Variants in SLX4IP observed in about 807,000 individuals in gnomAD.
SLX4IP encodes the protein protein SLX4IP.
SLX4IP carries 34 observed loss-of-function variants against 32.9 expected under a neutral mutation model. That is an observed-to-expected ratio of 1.03 (90% CI 0.79 to 1.38). The LOEUF is 1.38. SLX4IP is among the 40% of genes most tolerant of loss of function. The probability of loss-of-function intolerance (pLI) is 0.00; values close to 1 mark genes in which losing one functional copy is unlikely to be tolerated. For missense variants in SLX4IP, 444 were observed against 479.0 expected, an observed-to-expected ratio of 0.93 and a Z score of 0.68; for synonymous variants, 172 against 171.7, an observed-to-expected ratio of 1.00 and a Z score of -0.01.
intron 4 of SLX4IP, among the ~76,000 whole-genome samples, chr20:10,575,711 T>C (rs779913955): frequency 2.0e-5 from 3 of 152,124 alleles, no homozygotes; most frequent in African/African-American, 7.2e-5. Flanking sequence ...TTCTCTTATC[T>C]AGGAAGTACT....
At chr20:10,532,442 G>A (rs1348232530) in intron 2 of SLX4IP, among the ~76,000 whole-genome samples, 1 of 152,078 alleles carries the variant, frequency 6.6e-6, no homozygotes, top group Non-Finnish European at 1.5e-5. Flanking sequence ...ACATGAAGGA[G>A]GGAAAGATCC....
At chr20:10,499,137 T>C (rs599495) in intron 2 of SLX4IP, among the ~76,000 whole-genome samples, 2 of 151,922 alleles carry the variant, frequency 1.3e-5, no homozygotes, top group African/African-American at 4.8e-5. Context: ...ATGACAAAAA[T>C]TATGGGTCTA....
chr20:10,589,722 T>C lies in SLX4IP; in HGVS notation c.239-8953T>C, dbSNP rs148513386. Among the ~76,000 whole-genome samples, 669 of 152,296 alleles carry C rather than the reference T, an allele frequency of 4.4e-3. 6 individuals are homozygous for C. The highest frequency in any genetic ancestry group is 0.015 in the African/African-American group (613 of 41,562). On this transcript the variant is annotated intron_variant, in intron 4 of 7. Transcript: ENST00000334534. ...ACTGAGGTTTTTAAAAATCACGTTA[T>C]AAAACAACATTCATCATATGATTTC...
chr20:10,458,140 T>C, intron 1 of SLX4IP, 36 bp from the exon 2 acceptor site: 1 of 1,382,874 alleles, frequency 7.2e-7, no homozygotes. Flanking sequence ...AAAGAAATTT[T>C]AATATACCTA....
intron 2 of SLX4IP, among the ~76,000 whole-genome samples, chr20:10,551,149 G>T (rs1386042395): frequency 6.6e-6 from 1 of 152,174 alleles, no homozygotes; most frequent in African/African-American, 2.4e-5. Flanking sequence ...CCACCTCCGA[G>T]GACTTGGAAA....
chr20:10,574,080 C>T (rs1204285931), intron 4 of SLX4IP, among the ~76,000 whole-genome samples: 3 of 152,210 alleles, frequency 2.0e-5, no homozygotes, highest in African/African-American at 7.2e-5. Flanking sequence ...GGAAACTTCT[C>T]TAACCACTTA....
At chr20:10,504,909 G>A (rs1370384042) in intron 2 of SLX4IP, among the ~76,000 whole-genome samples, 2 of 151,914 alleles carry the variant, frequency 1.3e-5, no homozygotes, top group African/African-American at 2.4e-5. Context: ...CTATAGCCAC[G>A]GAAGACTCTG....
At chr20:10,572,921 A>G (rs1042790061) in intron 4 of SLX4IP, among the ~76,000 whole-genome samples, 1 of 152,228 alleles carries the variant, frequency 6.6e-6, no homozygotes, top group African/African-American at 2.4e-5. Context: ...CATTACCACC[A>G]TGTTGGGGAA....
intron 2 of SLX4IP, among the ~76,000 whole-genome samples, chr20:10,464,459 T>C (rs1027988422): frequency 6.6e-6 from 1 of 152,146 alleles, no homozygotes; most frequent in African/African-American, 2.4e-5. Flanking sequence ...GGAGGGAGGA[T>C]CACTTGAGGC....
chr20:10,437,616 T>C (rs535543037), intron 1 of SLX4IP, among the ~76,000 whole-genome samples: 2 of 152,350 alleles, frequency 1.3e-5, no homozygotes, highest in East Asian at 3.9e-4. Context: ...CTCTGTGTCC[T>C]AAGAAAGTTG....
intron 6 of SLX4IP, among the ~76,000 whole-genome samples, chr20:10,617,727 C>A (rs953436771): frequency 7.0e-6 from 1 of 143,270 alleles, no homozygotes. Flanking sequence ...TGGCTTACTG[C>A]GGCCTTGACC....
In SLX4IP at chr20:10,556,285, A is replaced by G; in HGVS notation, c.82A>G (p.Lys28Glu). The G allele has an allele frequency of 6.2e-7, 1 of 1,613,666 alleles. No individual in the cohort carries two copies. The highest frequency in any genetic ancestry group is 8.5e-7 in the Non-Finnish European group (1 of 1,179,854). Reference protein sequence around the residue: ...DLHILPQGSNKDTSWFSEQKK... With the variant: ...DLHILPQGSNEDTSWFSEQKK... ...TCATATCTTGCCACAAGGTTCAAACAAAGATACAAGCTGGTTTTCTGAACA... is the reference window on the plus strand; with the variant it reads ...TCATATCTTGCCACAAGGTTCAAACGAAGATACAAGCTGGTTTTCTGAACA... The change falls in exon 3 of 8, where the codon AAA becomes GAA. Residue 28 changes from lysine (K) to glutamate (E), a missense_variant. By Grantham distance (56) the Lys-to-Glu change is moderately conservative. Coordinates refer to ENST00000334534, the MANE Select transcript of SLX4IP (RefSeq NM_001009608.3).
chr20:10,470,676 T>C (rs986417295), intron 2 of SLX4IP, among the ~76,000 whole-genome samples: 1 of 152,228 alleles, frequency 6.6e-6, no homozygotes, highest in East Asian at 1.9e-4. Flanking sequence ...CACAGTGGAA[T>C]AGCATTATAT....
intron 2 of SLX4IP, among the ~76,000 whole-genome samples, chr20:10,550,264 T>C (rs1462871571): frequency 6.6e-6 from 1 of 152,204 alleles, no homozygotes; most frequent in Non-Finnish European, 1.5e-5. Context: ...TTTGCCTCGT[T>C]ACTTGAAGCT....
At chr20:10,554,207 A>C (rs1028156485) in intron 2 of SLX4IP, among the ~76,000 whole-genome samples, 1 of 152,212 alleles carries the variant, frequency 6.6e-6, no homozygotes, top group Non-Finnish European at 1.5e-5. Flanking sequence ...AGATGGAACC[A>C]TACAGTATAT....
intron 2 of SLX4IP, among the ~76,000 whole-genome samples, chr20:10,490,433 G>A (rs1018648982): frequency 1.3e-5 from 2 of 152,090 alleles, no homozygotes. Context: ...TCTATAGTGT[G>A]AAATGTGGGT....
chr20:10,625,358 G>T lies in SLX4IP; in HGVS notation c.*1979G>T, dbSNP rs549929849. Reference sequence around the variant, plus strand: ...AGAAGCAGCTCTCTGGAAGAGTCTGGAATTAAAAAGACGGCTGTACTAGAA... The same window carrying T: ...AGAAGCAGCTCTCTGGAAGAGTCTGTAATTAAAAAGACGGCTGTACTAGAA... On this transcript the variant is annotated 3_prime_UTR_variant, in exon 8 of 8. Transcript: ENST00000334534. 4 of 152,204 alleles carry T rather than the reference G, an allele frequency of 2.6e-5. No individual in the cohort carries two copies. The highest frequency in any genetic ancestry group is 2.6e-4 in the Admixed American group (4 of 15,278). 9.4% of individuals were successfully genotyped at this position (152,204 alleles called of 1,614,324 possible).
intron 2 of SLX4IP, among the ~76,000 whole-genome samples, chr20:10,534,792 G>A (rs1023751024): frequency 2.0e-5 from 3 of 152,214 alleles, no homozygotes; most frequent in Admixed American, 2.0e-4. Context: ...GAGGCTTGTA[G>A]GTTATCATGT....
At chr20:10,558,239 C>G (rs1336502006) in intron 3 of SLX4IP, among the ~76,000 whole-genome samples, 1 of 149,224 alleles carries the variant, frequency 6.7e-6, no homozygotes, top group Non-Finnish European at 1.5e-5. Flanking sequence ...ACTCTGGAGG[C>G]TGAGGTGGGG....
Sources: gnomAD v4.1 joint callset for allele counts (sites outside exome capture counted in the v4.1 genomes callset) on GRCh38, gnomAD v4.1.1 for gene constraint, MANE v1.5 for transcripts, NCBI Gene and HGNC (gene_info 2026-07-23, HGNC 2026-07-21) for gene names.